The following GPC6 variants were observed in gnomAD, a reference collection of about 807,000 sequenced individuals.
GPC6 encodes the protein glypican-6.
A neutral mutation model predicts 55.2 loss-of-function variants in GPC6; 14 were observed. The ratio of observed to expected loss-of-function variants is 0.25; its 90% confidence interval spans 0.17 to 0.40. The LOEUF (loss-of-function observed/expected upper bound fraction) is 0.40. GPC6 is among the 10% of genes least tolerant of loss of function. The pLI, the probability that GPC6 is intolerant of heterozygous loss-of-function variation, is 1.00. For synonymous variants in GPC6, 278 were observed against 259.6 expected, an observed-to-expected ratio of 1.07 and a Z score of -0.68; for missense variants, 641 against 708.5, an observed-to-expected ratio of 0.90 and a Z score of 1.08.
At chr13:93,981,961 CT>C (rs377291538) in intron 3 of GPC6, among the ~76,000 whole-genome samples, 83 of 152,200 alleles carry the variant, frequency 5.5e-4, no homozygotes, top group Middle Eastern at 3.4e-3. Context: ...TAAATGATGT[CT>C]TTTTTTCTTC....
intron 3 of GPC6, among the ~76,000 whole-genome samples, chr13:93,882,677 AT>A (rs1405771275): frequency 1.3e-5 from 2 of 152,130 alleles, no homozygotes; most frequent in Non-Finnish European, 2.9e-5. Context: ...CAAATAGAAC[AT>A]TTTTTAAAAG....
chr13:93,760,960 A>C (rs1241065657), intron 2 of GPC6, among the ~76,000 whole-genome samples: 1 of 152,218 alleles, frequency 6.6e-6, no homozygotes, highest in Non-Finnish European at 1.5e-5. Flanking sequence ...TTTCTAAGAC[A>C]AAGTATGATT....
At chr13:93,614,515 C>T (rs894322985) in intron 2 of GPC6, among the ~76,000 whole-genome samples, 2 of 151,954 alleles carry the variant, frequency 1.3e-5, no homozygotes, top group Admixed American at 6.6e-5. Flanking sequence ...GTGGCGGTGA[C>T]GATTAAATGA....
chr13:93,530,418 G>C (rs1881821545), intron 1 of GPC6, among the ~76,000 whole-genome samples: 3 of 152,198 alleles, frequency 2.0e-5, no homozygotes, highest in Non-Finnish European at 4.4e-5. Flanking sequence ...GTGAGGAACT[G>C]ATTTTCCTTT....
intron 6 of GPC6, among the ~76,000 whole-genome samples, chr13:94,372,612 T>C (rs1228317910): frequency 6.6e-6 from 1 of 151,998 alleles, no homozygotes; most frequent in Non-Finnish European, 1.5e-5. Flanking sequence ...GAGATCAAAC[T>C]GCAAGGCGGC....
rs1875822741 is a variant in GPC6 at position 93,227,297 on chromosome 13, C to A, written c.-160C>A. On this transcript the variant is annotated 5_prime_UTR_variant, in exon 1 of 9. Transcript: ENST00000377047. This position sits in a 1 kb window ranked among gnomAD's most constrained non-coding sequence, Gnocchi z 4.3. ...CTTATAAAAGTTTGCTGAGCGCAGT[C>A]CAGAGGGCTGCGCTGCTCGTCCCCT... 2 of 676,862 alleles carry A rather than the reference C, an allele frequency of 3.0e-6. No individual in the cohort carries two copies. Among genetic ancestry groups the A allele is most frequent in the Non-Finnish European group, 2.5e-6 (1 of 392,180 alleles). The allele number at this position is 676,862 out of a possible 1,614,324, so 41.9% of individuals were successfully genotyped here. A position where few individuals can be genotyped will look rare whatever the true frequency, so the allele number is the denominator to read the frequency against.
At chr13:93,244,067 G>A (rs1284438501) in intron 1 of GPC6, among the ~76,000 whole-genome samples, 1 of 152,132 alleles carries the variant, frequency 6.6e-6, no homozygotes, top group African/African-American at 2.4e-5. Flanking sequence ...CTCCCTAGGT[G>A]TGAGTGCAAG....
chr13:94,281,489 AG>A (rs1892381320), intron 4 of GPC6, among the ~76,000 whole-genome samples: 2 of 152,166 alleles, frequency 1.3e-5, no homozygotes, highest in African/African-American at 4.8e-5. Context: ...ACTATCTTCT[AG>A]GTTAAAGTCA....
At chr13:94,059,387 C>G (rs1488657442) in intron 4 of GPC6, among the ~76,000 whole-genome samples, 1 of 151,988 alleles carries the variant, frequency 6.6e-6, no homozygotes, top group Non-Finnish European at 1.5e-5. Context: ...CTTTCCTCAG[C>G]GTTTACCCTC....
intron 1 of GPC6, among the ~76,000 whole-genome samples, chr13:93,269,616 A>G (rs556580662): frequency 2.6e-5 from 4 of 152,154 alleles, no homozygotes; most frequent in East Asian, 3.9e-4. Context: ...GATCAACAGA[A>G]GCCAACTGTA....
At chr13:93,507,817 C>T (rs114195747) in intron 1 of GPC6, among the ~76,000 whole-genome samples, 1,556 of 151,858 alleles carry the variant, frequency 0.01, 29 homozygotes, top group African/African-American at 0.036. Flanking sequence ...GAATGTTTTT[C>T]TGTTTAATAA....
intron 4 of GPC6, among the ~76,000 whole-genome samples, chr13:94,040,237 A>G (rs141694049): frequency 1.3e-5 from 2 of 151,932 alleles, no homozygotes; most frequent in East Asian, 3.9e-4. Flanking sequence ...CATTTCCTTC[A>G]CTGGCAAGAA....
intron 3 of GPC6, among the ~76,000 whole-genome samples, chr13:93,947,129 T>G (rs560727470): frequency 6.6e-6 from 1 of 152,184 alleles, no homozygotes; most frequent in African/African-American, 2.4e-5. Context: ...TATGCTTTGA[T>G]TGCAAAAAGG....
At chr13:94,219,156 A>G (rs1247655643) in intron 4 of GPC6, among the ~76,000 whole-genome samples, 1 of 152,146 alleles carries the variant, frequency 6.6e-6, no homozygotes, top group Non-Finnish European at 1.5e-5. Context: ...CCTTTAAAAG[A>G]GTCGACTGCT....
chr13:94,349,284 C>T (rs1052993520), intron 6 of GPC6, among the ~76,000 whole-genome samples: 3 of 152,152 alleles, frequency 2.0e-5, no homozygotes, highest in African/African-American at 7.2e-5. Context: ...CCTTCTTTCC[C>T]ATTTCTCTTG....
intron 6 of GPC6, among the ~76,000 whole-genome samples, chr13:94,336,069 T>C (rs1411767991): frequency 1.3e-5 from 2 of 152,156 alleles, no homozygotes; most frequent in East Asian, 3.9e-4. Context: ...TAAAATGCCC[T>C]GCAAAGCATT....
chr13:93,228,661 TGA>T (rs1875905534), intron 1 of GPC6, among the ~76,000 whole-genome samples: 1 of 151,962 alleles, frequency 6.6e-6, no homozygotes, highest in African/African-American at 2.4e-5. Flanking sequence ...AGAACAGAAC[TGA>T]GAGAGGCCGA....
chr13:94,014,565 T>C (rs73544013), intron 3 of GPC6, among the ~76,000 whole-genome samples: 4,041 of 152,168 alleles, frequency 0.027, 188 homozygotes, highest in African/African-American at 0.09. Flanking sequence ...AGAGGCCAAG[T>C]TTTTAGTATA....
intron 4 of GPC6, among the ~76,000 whole-genome samples, chr13:94,242,492 C>T (rs1891084167): frequency 6.6e-6 from 1 of 152,040 alleles, no homozygotes; most frequent in South Asian, 2.1e-4. Context: ...TTGGAACCAA[C>T]CCAAATGTCC....
Sources: allele counts gnomAD v4.1 joint callset (sites outside exome capture counted in the v4.1 genomes callset), GRCh38; gene constraint gnomAD v4.1.1; non-coding constraint Gnocchi (gnomAD v3.1); transcripts MANE v1.5; gene names NCBI Gene and HGNC (gene_info 2026-07-23, HGNC 2026-07-21).